The following DACT1 variants were observed in gnomAD, a reference collection of about 807,000 sequenced individuals.
DACT1 encodes dishevelled binding antagonist of beta catenin 1.
Under a neutral mutation model 35.3 loss-of-function variants are expected in DACT1, and 19 were observed. That is an observed-to-expected ratio of 0.54 (90% confidence interval 0.38 to 0.79). The LOEUF is 0.79. Among genes scored for constraint, DACT1 ranks in the 30% least tolerant of loss-of-function variants. The probability of loss-of-function intolerance (pLI) is 0.00; values close to 1 mark genes in which losing one functional copy is unlikely to be tolerated. For missense variants in DACT1, 1,143 were observed against 1,057.5 expected, an observed-to-expected ratio of 1.08 and a Z score of -1.12; for synonymous variants, 545 against 466.7, an observed-to-expected ratio of 1.17 and a Z score of -2.16.
intron 3 of DACT1, chr14:58,645,140 A>C (rs1177796016): frequency 8.0e-5 from 64 of 799,572 alleles, no homozygotes; most frequent in Non-Finnish European, 1.6e-5. Flanking sequence ...GTAGGGCAGC[A>C]CTTTTTAATC....
At position 58,645,818 on chromosome 14, in the gene DACT1, T is replaced by C. The variant is rs1176966624; in HGVS notation, c.1084T>C (p.Cys362Arg). The C allele has an allele frequency of 6.2e-7, 1 of 1,614,262 alleles. No individual in the cohort carries two copies. Among genetic ancestry groups the C allele is most frequent in the African/African-American group, 1.3e-5 (1 of 75,074 alleles). ...SVNLKNSKQA[C>R]LPSGGIPSLN... ...GAACCTTAAGAATTCGAAACAGGCG[T>C]GTCTGCCCTCTGGCGGGATACCTTC... Residue 362 changes from cysteine (C) to arginine (R), a missense_variant, in exon 4 of 4, where the codon TGT (cysteine) becomes CGT (arginine). By Grantham distance (180) the Cys-to-Arg change is radical (BLOSUM62 -3). Coordinates refer to ENST00000395153, the MANE Select transcript of DACT1 (RefSeq NM_001079520.2).
rs926788653 is a variant in DACT1 at position 58,638,290 on chromosome 14, C to G, written c.88C>G (p.Arg30Gly). 33 of 1,347,646 alleles carry G rather than the reference C, an allele frequency of 2.4e-5. No homozygotes were observed. Among genetic ancestry groups the G allele is most frequent in the Non-Finnish European group, 3.0e-5 (32 of 1,053,482 alleles). The allele number at this position is 1,347,646 out of a possible 1,614,324, so 83.5% of individuals were successfully genotyped here. The change falls in exon 1 of 4, where the codon CGC becomes GGC. Residue 30 changes from arginine to glycine, a missense_variant. Transcript: ENST00000395153. ...GCAGCGCACGGCGGAGCCCGAGGGG[C>G]GCTGGCGGGAGAAGGGCGAGGCAGA... ...GEQRTAEPEGRWREKGEADTE... is the reference protein window; with the variant it reads ...GEQRTAEPEGGWREKGEADTE...
Position 58,646,229 on chromosome 14 carries a change from C to T in DACT1, c.1495C>T (p.Pro499Ser). 1.2e-6 allele frequency: 2 copies of T among 1,614,044 alleles called. No individual in the cohort carries two copies. The highest frequency in any genetic ancestry group is 1.1e-5 in the South Asian group (1 of 91,060). Residue 499 changes from proline to serine, a missense_variant, in exon 4 of 4, where the codon CCT becomes TCT. Around this residue, in one of 3 missense-constraint regions of DACT1, gnomAD observed 1,054 missense variants for 958.8 expected, o/e 1.10. Transcript: ENST00000395153. ...LSTAFPVEER[P>S]ALDFKSEGSS... ...TACAGCTTTCCCCGTGGAAGAGAGG[C>T]CTGCCTTGGATTTCAAGAGCGAGGG...
At position 58,646,304 on chromosome 14, in the gene DACT1, C is replaced by T. The variant is rs1181283242; in HGVS notation, c.1570C>T (p.Pro524Ser). ...GCACCTGGTCAAGGCCCAGTTTATC[C>T]CGGGGCAGCAGCCCAGTGTCAGGCT... ...EAHLVKAQFI[P>S]GQQPSVRLHR... Residue 524 changes from proline to serine, a missense_variant, in exon 4 of 4, where the codon CCG (proline) becomes TCG (serine). Around this residue, in one of 3 missense-constraint regions of DACT1, gnomAD observed 1,054 missense variants for 958.8 expected, o/e 1.10. Coordinates refer to ENST00000395153, the MANE Select transcript of DACT1 (RefSeq NM_001079520.2). 1 of 1,610,868 alleles carries T rather than the reference C, an allele frequency of 6.2e-7. No homozygotes were observed.
Position 58,645,562 on chromosome 14 carries a change from C to T in DACT1, c.828C>T (p.Ala276=), listed in dbSNP as rs749119286. ...TTTGCGGTGGATCTGAGCTAGATGC[C>T]GTCAAAACAGACAGTTCCTTACCGT... The part of the protein sequence containing the change: ...SDICGGSELD[A]VKTDSSLPSP... Residue 276 remains alanine, a synonymous_variant, in exon 4 of 4, where the codon GCC becomes GCT. Coordinates refer to ENST00000395153, the MANE Select transcript of DACT1 (RefSeq NM_001079520.2). The T allele has an allele frequency of 9.9e-6, 16 of 1,614,164 alleles. No homozygotes were observed. The highest frequency in any genetic ancestry group is 2.2e-5 in the East Asian group (1 of 44,874).
chr14:58,644,808 C>T lies in DACT1; in HGVS notation c.635-561C>T, dbSNP rs117999816. 7.0e-3 allele frequency among the ~76,000 whole-genome samples: 1,062 copies of T among 152,294 alleles called. 8 individuals carry two copies. Among genetic ancestry groups the T allele is most frequent in the Non-Finnish European group, 1.0e-2 (678 of 68,018 alleles). On this transcript the variant is annotated intron_variant, in intron 3 of 3. Transcript: ENST00000395153. The stretch of plus-strand genomic sequence containing the variant: ...ATGTTTCCCAGTTGTAAACGCAGTA[C>T]AGACAGTTTAACAGAAAATAAAGAA...
chr14:58,646,911 A>G lies in DACT1; in HGVS notation c.2177A>G (p.Glu726Gly). Residue 726 changes from glutamate to glycine, a missense_variant, in exon 4 of 4, where the codon GAG becomes GGG. This residue lies in a region of DACT1 where 1,054 missense variants were observed against 958.8 expected (regional missense o/e 1.10). Transcript: ENST00000395153. ...GGGGACAGCGAGTCGAGTGTGAGCG[A>G]GGGCGAGTTCGTGGGGGAGAGCACA... Reference protein sequence around the residue: ...CFGDSESSVSEGEFVGESTTT... With the variant: ...CFGDSESSVSGGEFVGESTTT... 1 of 1,593,328 alleles carries G rather than the reference A, an allele frequency of 6.3e-7. No individual in the cohort carries two copies. Among genetic ancestry groups the G allele is most frequent in the Non-Finnish European group, 8.6e-7 (1 of 1,168,040 alleles).
upstream of DACT1, among the ~76,000 whole-genome samples, chr14:58,637,383 A>G (rs1319438672): frequency 6.6e-6 from 1 of 152,258 alleles, no homozygotes; most frequent in Non-Finnish European, 1.5e-5. Flanking sequence ...AAGTTTTAGA[A>G]CACTGCATTG....
rs1428488626 is a variant in DACT1 at position 58,646,386 on chromosome 14, G to T, written c.1652G>T (p.Gly551Val). The T allele has an allele frequency of 1.2e-6, 2 of 1,604,094 alleles. No individual in the cohort carries two copies. Among genetic ancestry groups the T allele is most frequent in the Non-Finnish European group, 8.5e-7 (1 of 1,177,604 alleles). The change falls in exon 4 of 4, where the codon GGC becomes GTC. Residue 551 changes from glycine to valine, a missense_variant. Gly to Val is a moderately radical substitution (Grantham distance 109). Transcript: ENST00000395153. The stretch of plus-strand genomic sequence containing the variant: ...AAGAACTCCAGCCTGAAGCACCGCG[G>T]CCCAGCCCTCCAGGGGCTGGAGAAC... ...VVKNSSLKHR[G>V]PALQGLENGL...
Position 58,645,509 on chromosome 14 carries a change from G to A in DACT1, c.775G>A (p.Asp259Asn), listed in dbSNP as rs1566509428. Residue 259 changes from aspartate to asparagine, a missense_variant, in exon 4 of 4, where the codon GAC (aspartate) becomes AAC (asparagine). Asp to Asn is a conservative substitution (Grantham distance 23). This residue lies in a region of DACT1 where 1,054 missense variants were observed against 958.8 expected (regional missense o/e 1.10). Coordinates refer to ENST00000395153, the MANE Select transcript of DACT1 (RefSeq NM_001079520.2). Reference sequence around the variant, plus strand: ...GACGGGCAACCCTCTGAGGGAAGAGGACAGGCTTGGAAACCATGCCAGTGA... The same window carrying A: ...GACGGGCAACCCTCTGAGGGAAGAGAACAGGCTTGGAAACCATGCCAGTGA... The part of the protein sequence containing the change: ...CLTGNPLREE[D>N]RLGNHASDIC... 1 of 1,614,200 alleles carries A rather than the reference G, an allele frequency of 6.2e-7. No individual in the cohort carries two copies. The highest frequency in any genetic ancestry group is 1.3e-5 in the African/African-American group (1 of 75,050).
chr14:58,641,869 T>C, intron 3 of DACT1, 122 bp downstream of exon 3: 1 of 903,060 alleles, frequency 1.1e-6, no homozygotes, highest in Non-Finnish European at 1.7e-6. Flanking sequence ...TTGCGGCATT[T>C]AGTGCCATAC....
At position 58,638,255 on chromosome 14, in the gene DACT1, C is replaced by A. The variant is rs1386099603; in HGVS notation, c.53C>A (p.Ala18Asp). 7.3e-7 allele frequency: 1 copy of A among 1,367,830 alleles called. No homozygotes were observed. Among genetic ancestry groups the A allele is most frequent in the Non-Finnish European group, 9.4e-7 (1 of 1,061,034 alleles). 84.7% of individuals were successfully genotyped at this position (1,367,830 alleles called of 1,614,324 possible). ...TAKELEPPAP[A>D]RGEQRTAEPE... is the part of the protein sequence containing the mutation. ...AAGGAGCTGGAGCCTCCGGCGCCGG[C>A]CCGAGGCGAGCAGCGCACGGCGGAG... The change falls in exon 1 of 4, where the codon GCC (alanine) becomes GAC (aspartate). Residue 18 changes from alanine (A) to aspartate (D), a missense_variant. This residue lies in a region of DACT1 where 85 missense variants were observed against 81.8 expected (regional missense o/e 1.04). Coordinates refer to ENST00000395153, the MANE Select transcript of DACT1 (RefSeq NM_001079520.2).
rs771375868 is a variant in DACT1 at position 58,647,591 on chromosome 14, T to C, written c.*457T>C. ...CACATACAATAGTGTGAAGTAGGTATGAGGGGCAGTCATTGTATTCTATAG... is the reference window on the plus strand; with the variant it reads ...CACATACAATAGTGTGAAGTAGGTACGAGGGGCAGTCATTGTATTCTATAG... On this transcript the variant is annotated 3_prime_UTR_variant, in exon 4 of 4. Coordinates refer to ENST00000395153, the MANE Select transcript of DACT1 (RefSeq NM_001079520.2). The C allele has an allele frequency of 5.4e-6, 1 of 183,774 alleles. No homozygotes were observed. Among genetic ancestry groups the C allele is most frequent in the Non-Finnish European group, 1.2e-5 (1 of 80,786 alleles). The allele number at this position is 183,774 out of a possible 1,614,324, so 11.4% of individuals were successfully genotyped here.
chr14:58,641,535 G>A (rs746797846), intron 2 of DACT1, 57 bp from the exon 3 acceptor site: 92 of 1,531,488 alleles, frequency 6.0e-5, no homozygotes, highest in Middle Eastern at 5.2e-4. Flanking sequence ...CCTGTTAAGC[G>A]TGAATATGCA....
chr14:58,635,756 T>C (rs954212051), upstream of DACT1, among the ~76,000 whole-genome samples: 1 of 152,166 alleles, frequency 6.6e-6, no homozygotes, highest in Non-Finnish European at 1.5e-5. Context: ...GATTTATTAG[T>C]AGTGTGTAAA....
At chr14:58,636,869 A>G (rs905993309), upstream of DACT1, among the ~76,000 whole-genome samples, 1 of 151,836 alleles carries the variant, frequency 6.6e-6, no homozygotes, top group African/African-American at 2.4e-5. Context: ...GGTCTGGAGT[A>G]GTGTGTTCCA....
chr14:58,638,273 C>A lies in DACT1; in HGVS notation c.71C>A (p.Thr24Lys). ...PPAPARGEQR[T>K]AEPEGRWREK... ...GCGCCGGCCCGAGGCGAGCAGCGCA[C>A]GGCGGAGCCCGAGGGGCGCTGGCGG... is the stretch of plus-strand genomic sequence containing the variant. The change falls in exon 1 of 4, where the codon ACG becomes AAG. Residue 24 changes from threonine (T) to lysine (K), a missense_variant. By Grantham distance (78) the Thr-to-Lys change is moderately conservative (BLOSUM62 -1). Around this residue, in one of 3 missense-constraint regions of DACT1, gnomAD observed 85 missense variants for 81.8 expected, o/e 1.04. Transcript: ENST00000395153. The A allele has an allele frequency of 2.2e-6, 3 of 1,357,468 alleles. No individual in the cohort carries two copies. The highest frequency in any genetic ancestry group is 2.8e-6 in the Non-Finnish European group (3 of 1,058,364). 84.1% of individuals were successfully genotyped at this position (1,357,468 alleles called of 1,614,324 possible).
intron 3 of DACT1, among the ~76,000 whole-genome samples, chr14:58,644,290 C>T (rs529679737): frequency 2.0e-4 from 31 of 152,166 alleles, no homozygotes; most frequent in Middle Eastern, 3.4e-3. Flanking sequence ...ATTCTTTATC[C>T]TATTAAAAAA....
chr14:58,634,527 A>G (rs2047561752), upstream of DACT1, among the ~76,000 whole-genome samples: 1 of 152,172 alleles, frequency 6.6e-6, no homozygotes, highest in African/African-American at 2.4e-5. Flanking sequence ...ATTAGACTCA[A>G]ATGGGCTTTG....
Sources: gnomAD v4.1 joint callset for allele counts (sites outside exome capture counted in the v4.1 genomes callset) on GRCh38, gnomAD v4.1.1 for gene constraint, gnomAD v4.1.1 regional missense constraint, MANE v1.5 for transcripts, NCBI Gene and HGNC (gene_info 2026-07-23, HGNC 2026-07-21) for gene names.